Variants in ADAMTSL1 observed in about 807,000 individuals in gnomAD.
ADAMTSL1 encodes ADAMTS-like protein 1.
ADAMTSL1 carries 126 observed loss-of-function variants against 201.8 expected under a neutral mutation model. That is an observed-to-expected ratio of 0.62 (90% CI 0.54 to 0.72). ADAMTSL1 has a LOEUF of 0.72. Among genes scored for constraint, ADAMTSL1 ranks in the 30% least tolerant of loss-of-function variants. The pLI is 0.00. For missense variants in ADAMTSL1, 2,679 were observed against 2,277.8 expected, an observed-to-expected ratio of 1.18 and a Z score of -3.59; for synonymous variants, 1,121 against 903.4, an observed-to-expected ratio of 1.24 and a Z score of -4.32.
Position 18,079,453 on chromosome 9 carries a change from C to T in ADAMTSL1, c.88-84409C>T, listed in dbSNP as rs149424738. 2.5e-3 allele frequency among the ~76,000 whole-genome samples: 387 copies of T among 151,916 alleles called. 1 individual carries two copies. The highest frequency in any genetic ancestry group is 8.9e-3 in the African/African-American group (369 of 41,440). On this transcript the variant is annotated intron_variant, in intron 1 of 29. Transcript: ENST00000680146. Reference sequence around the variant, plus strand: ...CAGCACTTTGGGAGGCCGAGGTGGGCGGATCACGAGGTCAGGAGACAGATT... The same window carrying T: ...CAGCACTTTGGGAGGCCGAGGTGGGTGGATCACGAGGTCAGGAGACAGATT...
chr9:18,445,980 T>C (rs1230608173), intron 2 of ADAMTSL1, among the ~76,000 whole-genome samples: 1 of 152,182 alleles, frequency 6.6e-6, no homozygotes, highest in Non-Finnish European at 1.5e-5. Flanking sequence ...TTTTATAGAA[T>C]AAACTGTGGT....
Position 18,622,352 on chromosome 9 carries a change from A to G in ADAMTSL1, c.584A>G (p.Gln195Arg). ...CTGGTCCGAGGGCAGTATAAATCCC[A>G]GCTCTCCGCAACCAAATGTAAGACA... ...CRLVRGQYKS[Q>R]LSATKSDDTV... Residue 195 changes from glutamine (Q) to arginine (R), a missense_variant, in exon 5 of 29, where the codon CAG (glutamine) becomes CGG (arginine). Coordinates refer to ENST00000380548, the MANE Select transcript of ADAMTSL1 (RefSeq NM_001040272.6). 1 of 1,614,076 alleles carries G rather than the reference A, an allele frequency of 6.2e-7. No homozygotes were observed. Among genetic ancestry groups the G allele is most frequent in the Non-Finnish European group, 8.5e-7 (1 of 1,179,954 alleles).
chr9:18,500,022 A>G (rs1168613854), intron 1 of ADAMTSL1, among the ~76,000 whole-genome samples: 2 of 152,186 alleles, frequency 1.3e-5, no homozygotes, highest in Non-Finnish European at 2.9e-5. Context: ...TTCATCTTAC[A>G]TCTTTCATGT....
rs977087701 is a variant in ADAMTSL1 at position 18,713,475 on chromosome 9, A to G, written c.1876+6427A>G. Among the ~76,000 whole-genome samples the G allele has an allele frequency of 8.1e-3, 1,234 of 152,260 alleles. 24 individuals are homozygous for G. Among genetic ancestry groups the G allele is most frequent in the African/African-American group, 0.028 (1,156 of 41,550 alleles). ...TAGTCTCTGATAAAACAGACTTTAA[A>G]CCAACAAAGATCAAAAGAGACAAAG... On this transcript the variant is annotated intron_variant, in intron 14 of 28. Transcript: ENST00000380548.
intron 2 of ADAMTSL1, among the ~76,000 whole-genome samples, chr9:18,347,852 G>A (rs1177727875): frequency 2.6e-5 from 4 of 152,054 alleles, no homozygotes; most frequent in African/African-American, 4.8e-5. Flanking sequence ...AGGTAGGCAG[G>A]CAGACATTCA....
rs1832806130 is a variant in ADAMTSL1 at position 18,281,927 on chromosome 9, A to G, written c.207+117946A>G. On this transcript the variant is annotated intron_variant, in intron 2 of 29. Coordinates refer to the ADAMTSL1 transcript ENST00000680146. Reference sequence around the variant, plus strand: ...TTTAGTCAATTCAATGTATTTTCTTATTTCTTCTTTGACCCGTAGGTTATT... The same window carrying G: ...TTTAGTCAATTCAATGTATTTTCTTGTTTCTTCTTTGACCCGTAGGTTATT... 2.0e-5 allele frequency among the ~76,000 whole-genome samples: 3 copies of G among 152,008 alleles called. No individual in the cohort carries two copies. In the South Asian group the frequency reaches 6.2e-4, roughly 32 times the overall value.
At chr9:18,196,152 T>C (rs1220874494) in intron 2 of ADAMTSL1, among the ~76,000 whole-genome samples, 1 of 152,070 alleles carries the variant, frequency 6.6e-6, no homozygotes, top group African/African-American at 2.4e-5. Flanking sequence ...GTACCTTATA[T>C]GAAGTTAGAG....
In ADAMTSL1 at chr9:17,962,469, CT is replaced by C. The variant is rs1817793814; in HGVS notation, c.87+55550del. On this transcript the variant is annotated intron_variant, in intron 1 of 29. Coordinates refer to the ADAMTSL1 transcript ENST00000680146. ...GCATTTTTCATCTCTCAGTACTGTGCTTTACCTTACACAACCAATGTTAGAG... is the reference window on the plus strand; with the variant it reads ...GCATTTTTCATCTCTCAGTACTGTGCTTACCTTACACAACCAATGTTAGAG... Among the ~76,000 whole-genome samples the C allele has an allele frequency of 2.0e-5, 3 of 152,126 alleles. No homozygotes were observed. In the South Asian group the frequency reaches 6.2e-4, roughly 32 times the overall value.
At chr9:18,670,371 T>C (rs1242312360) in intron 9 of ADAMTSL1, among the ~76,000 whole-genome samples, 4 of 152,188 alleles carry the variant, frequency 2.6e-5, no homozygotes, top group African/African-American at 4.8e-5. Context: ...AATGAAAAGA[T>C]ACAGAGGTAA....
chr9:18,487,690 T>A (rs1031247319), intron 1 of ADAMTSL1, among the ~76,000 whole-genome samples: 3 of 152,224 alleles, frequency 2.0e-5, no homozygotes, highest in African/African-American at 7.2e-5. Flanking sequence ...AAAGGTGTTA[T>A]GAATTTCCTA....
intron 13 of ADAMTSL1, among the ~76,000 whole-genome samples, chr9:18,693,860 A>G (rs1168879324): frequency 1.3e-5 from 2 of 152,212 alleles, no homozygotes; most frequent in Non-Finnish European, 2.9e-5. Flanking sequence ...TAGGGGACCT[A>G]TTAGGTCTGA....
At chr9:18,899,946 TAACTA>T (rs746127773) in intron 26 of ADAMTSL1, among the ~76,000 whole-genome samples, 3 of 152,202 alleles carry the variant, frequency 2.0e-5, no homozygotes, top group Non-Finnish European at 2.9e-5. Flanking sequence ...AAATGAGTTC[TAACTA>T]AACTAAAGAG....
At chr9:17,941,790 T>C (rs1827249768) in intron 1 of ADAMTSL1, among the ~76,000 whole-genome samples, 1 of 152,162 alleles carries the variant, frequency 6.6e-6, no homozygotes, top group Non-Finnish European at 1.5e-5. Flanking sequence ...GAAATTTATT[T>C]CTCACAGTTC....
intron 1 of ADAMTSL1, among the ~76,000 whole-genome samples, chr9:18,499,442 T>C (rs1016997168): frequency 6.6e-6 from 1 of 152,228 alleles, no homozygotes; most frequent in Non-Finnish European, 1.5e-5. Flanking sequence ...ATAAGATTTA[T>C]AGAGACCTGA....
chr9:18,545,701 A>G (rs1052005769), intron 3 of ADAMTSL1, among the ~76,000 whole-genome samples: 2 of 152,170 alleles, frequency 1.3e-5, no homozygotes, highest in Non-Finnish European at 1.5e-5. Context: ...CTCAAGTCCT[A>G]GTTTCTGAAT....
At chr9:18,166,626 A>G (rs543059354) in intron 2 of ADAMTSL1, among the ~76,000 whole-genome samples, 2 of 152,052 alleles carry the variant, frequency 1.3e-5, no homozygotes, top group South Asian at 4.1e-4. Context: ...TATCCCCAGC[A>G]CATAGAGCAT....
At chr9:18,040,786 A>C (rs1586935112) in intron 1 of ADAMTSL1, among the ~76,000 whole-genome samples, 1 of 152,240 alleles carries the variant, frequency 6.6e-6, no homozygotes, top group Non-Finnish European at 1.5e-5. Context: ...TACTTTGGGA[A>C]GGTTAAACTT....
At chr9:18,874,650 T>G (rs1828037799) in intron 23 of ADAMTSL1, among the ~76,000 whole-genome samples, 1 of 152,178 alleles carries the variant, frequency 6.6e-6, no homozygotes, top group African/African-American at 2.4e-5. Flanking sequence ...TGGATTATCT[T>G]TTTAATATGC....
intron 1 of ADAMTSL1, among the ~76,000 whole-genome samples, chr9:18,001,237 A>G (rs989830255): frequency 4.6e-5 from 7 of 152,122 alleles, no homozygotes; most frequent in African/African-American, 1.4e-4. Flanking sequence ...GATTGCAATA[A>G]TAAGCCCAAA....
Sources: allele counts gnomAD v4.1 joint callset (sites outside exome capture counted in the v4.1 genomes callset), GRCh38; gene constraint gnomAD v4.1.1; transcripts MANE v1.5; gene names NCBI Gene and HGNC (gene_info 2026-07-23, HGNC 2026-07-21).